The following WDR64 variants were observed in gnomAD, a reference collection of about 807,000 sequenced individuals.
WDR64 encodes WD repeat domain 64.
WDR64 carries 112 observed loss-of-function variants against 139.3 expected under a neutral mutation model. The observed-to-expected ratio is 0.80, with a 90% CI of 0.69 to 0.94. The LOEUF is 0.94. Ranked by LOEUF, WDR64 falls within the 40% of genes least tolerant of loss-of-function variation. WDR64 has a pLI of 0.00. For synonymous variants in WDR64, 444 were observed against 437.7 expected, an observed-to-expected ratio of 1.01 and a Z score of -0.18; for missense variants, 1,206 against 1,293.1, an observed-to-expected ratio of 0.93 and a Z score of 1.03.
intron 10 of WDR64, among the ~76,000 whole-genome samples, chr1:241,735,276 C>T (rs1057124386): frequency 6.6e-6 from 1 of 152,100 alleles, no homozygotes; most frequent in Non-Finnish European, 1.5e-5. Flanking sequence ...GTTGTATGAA[C>T]GCAGCGCATA....
chr1:241,708,692 G>GT (rs766069628), intron 8 of WDR64, among the ~76,000 whole-genome samples: 4,203 of 59,268 alleles, frequency 0.071, 489 homozygotes, highest in African/African-American at 0.1. Flanking sequence ...GAGGTCCATG[G>GT]TTTTTTTTTT....
chr1:241,788,111 G>T lies in WDR64; in HGVS notation c.2891+77G>T, dbSNP rs1659108717. The T allele has an allele frequency of 3.8e-6, 5 of 1,319,956 alleles. No homozygotes were observed. In the East Asian group the frequency reaches 1.3e-4, roughly 34 times the overall value. The allele number at this position is 1,319,956 out of a possible 1,614,324, so 81.8% of individuals were successfully genotyped here. A position where few individuals can be genotyped will look rare whatever the true frequency, so the allele number is the denominator to read the frequency against. On this transcript the variant is annotated intron_variant, in intron 24 of 27. Transcript: ENST00000437684. Reference sequence around the variant, plus strand: ...GATGCTGTGGCACTGTCCTTGAGATGGAGAATTCAAGGCAAGAGGTCCAGA... The same window carrying T: ...GATGCTGTGGCACTGTCCTTGAGATTGAGAATTCAAGGCAAGAGGTCCAGA...
intron 8 of WDR64, among the ~76,000 whole-genome samples, chr1:241,692,155 A>G (rs1455985572): frequency 6.6e-6 from 1 of 152,220 alleles, no homozygotes; most frequent in Non-Finnish European, 1.5e-5. Flanking sequence ...TAAAGAAATC[A>G]AGGAATTAAA....
intron 22 of WDR64, among the ~76,000 whole-genome samples, chr1:241,782,497 G>A (rs904309994): frequency 6.6e-6 from 1 of 152,178 alleles, no homozygotes; most frequent in African/African-American, 2.4e-5. Context: ...GACAAAGTAA[G>A]GTGTCAGTCC....
rs1165083907 is a variant in WDR64 at position 241,656,956 on chromosome 1, A to G, written c.146-3574A>G. ...AGGTGCAAAATCTCCCCTGCATAAG[A>G]ACCACTGCTCTAGATTCCTGCCTTT... On this transcript the variant is annotated intron_variant, in intron 1 of 27. Coordinates refer to ENST00000437684, the MANE Select transcript of WDR64 (RefSeq NM_001367482.1). This position sits in a 1 kb window ranked among gnomAD's most constrained non-coding sequence, Gnocchi z 4.3. 1.3e-5 allele frequency among the ~76,000 whole-genome samples: 2 copies of G among 151,030 alleles called. No individual in the cohort carries two copies. Among genetic ancestry groups the G allele is most frequent in the African/African-American group, 4.9e-5 (2 of 40,984 alleles).
chr1:241,720,256 A>G (rs1170271185), intron 9 of WDR64, among the ~76,000 whole-genome samples: 3 of 152,270 alleles, frequency 2.0e-5, no homozygotes, highest in East Asian at 3.9e-4. Flanking sequence ...TAGTGTTGCA[A>G]TTAAGATACG....
chr1:241,692,951 C>A (rs1667354364), intron 8 of WDR64, among the ~76,000 whole-genome samples: 1 of 152,196 alleles, frequency 6.6e-6, no homozygotes, highest in Non-Finnish European at 1.5e-5. Context: ...GACTCTCATT[C>A]ATTGCTGATG....
At chr1:241,673,058 A>T (rs1666295989) in intron 3 of WDR64, among the ~76,000 whole-genome samples, 1 of 152,076 alleles carries the variant, frequency 6.6e-6, no homozygotes, top group Non-Finnish European at 1.5e-5. Context: ...GAAGCTGGAA[A>T]CCATCATTCT....
At chr1:241,688,145 A>G (rs963694623) in intron 8 of WDR64, among the ~76,000 whole-genome samples, 5 of 152,248 alleles carry the variant, frequency 3.3e-5, no homozygotes, top group African/African-American at 1.2e-4. Context: ...AATGAATATC[A>G]AAAACATTAA....
chr1:241,683,024 G>A (rs947666338), intron 6 of WDR64, among the ~76,000 whole-genome samples: 4 of 152,138 alleles, frequency 2.6e-5, no homozygotes, highest in African/African-American at 9.7e-5. Context: ...TACAAAATAA[G>A]CTTGACAAAT....
At chr1:241,754,182 T>TA (rs1307828481) in intron 14 of WDR64, among the ~76,000 whole-genome samples, 2 of 152,170 alleles carry the variant, frequency 1.3e-5, no homozygotes, top group Non-Finnish European at 2.9e-5. Flanking sequence ...CTAATATGTT[T>TA]AAAAATTAGT....
At chr1:241,744,771 T>C (rs1427487875) in intron 13 of WDR64, among the ~76,000 whole-genome samples, 2 of 152,224 alleles carry the variant, frequency 1.3e-5, no homozygotes, top group East Asian at 1.9e-4. Flanking sequence ...CAGAAGTCTT[T>C]TGCATATGAC....
At chr1:241,676,329 C>T (rs1261633928) in intron 4 of WDR64, 1 of 152,198 alleles carries the variant, frequency 6.6e-6, no homozygotes, top group African/African-American at 2.4e-5. Context: ...TGAGTTAATA[C>T]TCATGAAGTG....
chr1:241,766,085 G>A (rs1658151705), intron 15 of WDR64, 133 bp from the exon 16 acceptor site: 2 of 806,944 alleles, frequency 2.5e-6, no homozygotes, highest in Non-Finnish European at 3.5e-6. Flanking sequence ...TAAATTTCAT[G>A]CTCTGATATT....
chr1:241,750,886 T>C (rs1344058061), intron 14 of WDR64, among the ~76,000 whole-genome samples: 1 of 152,172 alleles, frequency 6.6e-6, no homozygotes, highest in Non-Finnish European at 1.5e-5. Flanking sequence ...AAGTAGACAA[T>C]AGTACATTTA....
At chr1:241,747,893 G>A (rs1669825103) in intron 13 of WDR64, among the ~76,000 whole-genome samples, 1 of 152,200 alleles carries the variant, frequency 6.6e-6, no homozygotes, top group Non-Finnish European at 1.5e-5. Context: ...GGGTGAGAAT[G>A]TAGTCAAATT....
At chr1:241,720,575 A>G (rs1668570317) in intron 9 of WDR64, among the ~76,000 whole-genome samples, 1 of 151,850 alleles carries the variant, frequency 6.6e-6, no homozygotes, top group Non-Finnish European at 1.5e-5. Context: ...TTTTTTTAAT[A>G]TGTTTTTTGG....
At chr1:241,669,589 C>T (rs570188031) in intron 2 of WDR64, among the ~76,000 whole-genome samples, 2 of 152,154 alleles carry the variant, frequency 1.3e-5, no homozygotes, top group South Asian at 2.1e-4. Context: ...AAGCAAGTCT[C>T]GATGAGCCTG....
intron 14 of WDR64, 84 bp from the exon 15 acceptor site, chr1:241,757,199 T>C: frequency 1.2e-6 from 1 of 860,676 alleles, no homozygotes; most frequent in Non-Finnish European, 1.7e-6. Flanking sequence ...TACATCATTG[T>C]AGGTTCTATT....
Sources: allele counts gnomAD v4.1 joint callset (sites outside exome capture counted in the v4.1 genomes callset), GRCh38; gene constraint gnomAD v4.1.1; non-coding constraint Gnocchi (gnomAD v3.1); transcripts MANE v1.5; gene names NCBI Gene and HGNC (gene_info 2026-07-23, HGNC 2026-07-21).